Variants in PCDH9 observed in about 807,000 individuals in gnomAD.
The protein encoded by PCDH9 is protocadherin-9.
A neutral mutation model predicts 70.6 loss-of-function variants in PCDH9; 24 were observed. The ratio of observed to expected loss-of-function variants is 0.34; its 90% CI spans 0.25 to 0.48. PCDH9 has a LOEUF of 0.48. Among genes scored for constraint, PCDH9 ranks in the 20% least tolerant of loss-of-function variants. PCDH9 has a pLI of 0.99. For synonymous variants in PCDH9, 562 were observed against 558.5 expected (o/e 1.01, Z -0.09); for missense variants, 1,281 against 1,503.6 (o/e 0.85, Z 2.45).
At chr13:66,511,778 C>T (rs1371388024) in intron 4 of PCDH9, among the ~76,000 whole-genome samples, 1 of 152,082 alleles carries the variant, frequency 6.6e-6, no homozygotes, top group African/African-American at 2.4e-5. Flanking sequence ...CCTGCTTTTC[C>T]CATGTGATAT....
chr13:66,767,727 T>C (rs1319775083), intron 3 of PCDH9, among the ~76,000 whole-genome samples: 2 of 152,104 alleles, frequency 1.3e-5, no homozygotes, highest in Non-Finnish European at 2.9e-5. Flanking sequence ...ATGCCTTTTT[T>C]CCTGAAGTAA....
rs2083373896 is a variant in PCDH9, at chr13:66,963,057, A to G, written c.3037-59452T>C. ...AGATTCTCATAGGCACACAACCTAG[A>G]ACCCTCGCATGCTCAGTTCACAACA... On this transcript the variant is annotated intron_variant, in intron 2 of 4. Coordinates refer to ENST00000377865, the MANE Select transcript of PCDH9 (RefSeq NM_203487.3). 2.0e-5 allele frequency among the ~76,000 whole-genome samples: 3 copies of G among 152,080 alleles called. No individual in the cohort carries two copies. In the South Asian group the frequency reaches 6.2e-4, roughly 31 times the overall value.
At position 66,905,431 on chromosome 13, in the gene PCDH9, A is replaced by G. The variant is rs180768177; in HGVS notation, c.3037-1826T>C. Among the ~76,000 whole-genome samples, 1,226 of 152,256 alleles carry G rather than the reference A, an allele frequency of 8.1e-3. 18 individuals carry two copies. The highest frequency in any genetic ancestry group is 0.027 in the African/African-American group (1,142 of 41,554). On this transcript the variant is annotated intron_variant, in intron 2 of 4. Transcript: ENST00000377865. ...CCTGGGGAGATTTTTAAAAATGTCAATGACTGAGTCCCACCTCACATCAGT... is the reference window on the plus strand; with the variant it reads ...CCTGGGGAGATTTTTAAAAATGTCAGTGACTGAGTCCCACCTCACATCAGT...
chr13:66,559,819 T>A (rs79830253), intron 4 of PCDH9, among the ~76,000 whole-genome samples: 6,436 of 57,246 alleles, frequency 0.11, 303 homozygotes, highest in South Asian at 0.17. Flanking sequence ...AAAAAAAAAA[T>A]ATATATATAT....
intron 2 of PCDH9, among the ~76,000 whole-genome samples, chr13:67,120,382 T>G (rs1327927485): frequency 6.6e-6 from 1 of 152,040 alleles, no homozygotes; most frequent in East Asian, 1.9e-4. Context: ...AATGTGAATC[T>G]TCACTAGTCC....
intron 4 of PCDH9, among the ~76,000 whole-genome samples, chr13:66,396,913 A>T (rs141343916): frequency 1.5e-4 from 23 of 152,298 alleles, no homozygotes; most frequent in African/African-American, 4.6e-4. Context: ...GTCTTACATT[A>T]AAACCAAAAT....
At chr13:67,004,809 G>A (rs552436386) in intron 2 of PCDH9, among the ~76,000 whole-genome samples, 1 of 151,788 alleles carries the variant, frequency 6.6e-6, no homozygotes, top group East Asian at 1.9e-4. Context: ...TGGGATTTGG[G>A]GAATGATTAA....
chr13:66,386,716 A>AAAATTGGG (rs1327744694), intron 4 of PCDH9, among the ~76,000 whole-genome samples: 2 of 152,170 alleles, frequency 1.3e-5, no homozygotes, highest in Non-Finnish European at 2.9e-5. Flanking sequence ...CTGAATTAAC[A>AAAATTGGG]AAATTGGGTG....
At chr13:67,168,666 T>C (rs2088191952) in intron 2 of PCDH9, among the ~76,000 whole-genome samples, 1 of 152,126 alleles carries the variant, frequency 6.6e-6, no homozygotes, top group African/African-American at 2.4e-5. Context: ...AAATAGTTGA[T>C]GCTGTGGTGA....
At chr13:66,736,333 GACCCAGCTTGGTC>G (rs1226035311) in intron 3 of PCDH9, among the ~76,000 whole-genome samples, 2 of 152,140 alleles carry the variant, frequency 1.3e-5, no homozygotes, top group African/African-American at 4.8e-5. Context: ...TCTGTAGATA[GACCCAGCTTGGTC>G]ACCCAAAGGG....
chr13:66,799,390 G>T (rs1425497945), intron 3 of PCDH9, among the ~76,000 whole-genome samples: 1 of 152,012 alleles, frequency 6.6e-6, no homozygotes, highest in Non-Finnish European at 1.5e-5. Flanking sequence ...GGGCATGATT[G>T]GTATCACTTA....
intron 3 of PCDH9, among the ~76,000 whole-genome samples, chr13:66,725,697 T>C (rs928025392): frequency 6.6e-6 from 1 of 152,180 alleles, no homozygotes. Flanking sequence ...CATCATTAAC[T>C]CACAGTTGAA....
At chr13:67,026,775 C>A (rs1048645389) in intron 2 of PCDH9, among the ~76,000 whole-genome samples, 2 of 151,714 alleles carry the variant, frequency 1.3e-5, no homozygotes, top group Non-Finnish European at 2.9e-5. Flanking sequence ...CAACAACAGA[C>A]AAACAGAGAG....
At chr13:67,025,717 TCTACTAC>T (rs1442491602) in intron 2 of PCDH9, among the ~76,000 whole-genome samples, 1 of 152,122 alleles carries the variant, frequency 6.6e-6, no homozygotes, top group Non-Finnish European at 1.5e-5. Context: ...GTTGGGTATG[TCTACTAC>T]CTTGAAAGTA....
chr13:66,328,876 A>G (rs1951224418), intron 4 of PCDH9, among the ~76,000 whole-genome samples: 1 of 152,156 alleles, frequency 6.6e-6, no homozygotes, highest in South Asian at 2.1e-4. Flanking sequence ...TTCATTTTTT[A>G]ACTGGAAATT....
chr13:66,504,594 G>A (rs367567889), intron 4 of PCDH9, among the ~76,000 whole-genome samples: 7 of 152,250 alleles, frequency 4.6e-5, no homozygotes, highest in African/African-American at 1.7e-4. Flanking sequence ...CATATCAGTA[G>A]GTAATTCATA....
Position 66,803,443 on chromosome 13 carries a change from C to T in PCDH9, c.3138+100061G>A, listed in dbSNP as rs567405872. 1.7e-3 allele frequency among the ~76,000 whole-genome samples: 266 copies of T among 152,268 alleles called. 1 individual carries two copies. The highest frequency in any genetic ancestry group is 2.2e-3 in the Non-Finnish European group (151 of 68,004). On this transcript the variant is annotated intron_variant, in intron 3 of 4. Coordinates refer to ENST00000377865, the MANE Select transcript of PCDH9 (RefSeq NM_203487.3). Reference sequence around the variant, plus strand: ...TTATGTACTATTCTGGACACCAAAGCCTTAATGCTCCTCACCAGGCACTTA... The same window carrying T: ...TTATGTACTATTCTGGACACCAAAGTCTTAATGCTCCTCACCAGGCACTTA...
At chr13:66,583,964 G>A (rs954125017) in intron 4 of PCDH9, among the ~76,000 whole-genome samples, 5 of 152,042 alleles carry the variant, frequency 3.3e-5, no homozygotes, top group Admixed American at 3.3e-4. Context: ...ACTATAATTT[G>A]GCCTTTCCTG....
At chr13:66,628,667 T>C (rs1362940892) in intron 4 of PCDH9, among the ~76,000 whole-genome samples, 1 of 152,176 alleles carries the variant, frequency 6.6e-6, no homozygotes, top group Non-Finnish European at 1.5e-5. Context: ...TGCCAAGCTG[T>C]AATACATATT....
Sources: allele counts gnomAD v4.1 joint callset (sites outside exome capture counted in the v4.1 genomes callset), GRCh38; gene constraint gnomAD v4.1.1; transcripts MANE v1.5; gene names NCBI Gene and HGNC (gene_info 2026-07-23, HGNC 2026-07-21).